The following TMEM170B variants were observed in gnomAD, a reference collection of about 807,000 sequenced individuals.
TMEM170B encodes transmembrane protein 170B.
Under a neutral mutation model 13.0 loss-of-function variants are expected in TMEM170B, and 6 were observed. The ratio of observed to expected loss-of-function variants is 0.46; its 90% CI spans 0.25 to 0.91. The LOEUF (loss-of-function observed/expected upper bound fraction) is 0.91. TMEM170B is among the 40% of genes least tolerant of loss of function. The probability of loss-of-function intolerance (pLI) is 0.17; values close to 1 mark genes in which losing one functional copy is unlikely to be tolerated. For synonymous variants in TMEM170B, 61 were observed against 64.9 expected (o/e 0.94, Z 0.29); for missense variants, 138 against 165.2 (o/e 0.84, Z 0.90).
At chr6:11,542,393 G>A (rs748474593) in intron 1 of TMEM170B, among the ~76,000 whole-genome samples, 2 of 152,108 alleles carry the variant, frequency 1.3e-5, no homozygotes, top group African/African-American at 2.4e-5. Context: ...TTCATCCAGG[G>A]TTAGCTCCAA....
intron 1 of TMEM170B, among the ~76,000 whole-genome samples, chr6:11,538,977 T>G (rs1175499937): frequency 6.6e-5 from 10 of 152,190 alleles, no homozygotes; most frequent in Admixed American, 6.5e-4. Flanking sequence ...TTTCCTTTTG[T>G]CTGTCTGTCT....
At chr6:11,562,850 G>C (rs1176585776) in intron 1 of TMEM170B, among the ~76,000 whole-genome samples, 1 of 152,128 alleles carries the variant, frequency 6.6e-6, no homozygotes, top group Non-Finnish European at 1.5e-5. Flanking sequence ...AGTCAAAGAA[G>C]AAATCCATTA....
At chr6:11,556,243 A>G (rs944634995) in intron 1 of TMEM170B, among the ~76,000 whole-genome samples, 1 of 152,128 alleles carries the variant, frequency 6.6e-6, no homozygotes, top group Non-Finnish European at 1.5e-5. Context: ...ACCAATAGTG[A>G]GAATTGATTT....
At chr6:11,538,870 G>T (rs1313568720) in intron 1 of TMEM170B, among the ~76,000 whole-genome samples, 1 of 152,198 alleles carries the variant, frequency 6.6e-6, no homozygotes, top group East Asian at 1.9e-4. Context: ...TTTTTTGGGC[G>T]ATGTAGATAA....
intron 1 of TMEM170B, among the ~76,000 whole-genome samples, chr6:11,552,248 T>C (rs1331471921): frequency 1.1e-4 from 16 of 152,232 alleles, no homozygotes; most frequent in Admixed American, 9.8e-4. Context: ...GATTTGGACT[T>C]ATTAAAATTT....
At chr6:11,557,402 G>A (rs1391036260) in intron 1 of TMEM170B, among the ~76,000 whole-genome samples, 2 of 152,082 alleles carry the variant, frequency 1.3e-5, no homozygotes, top group Non-Finnish European at 2.9e-5. Context: ...AATGCATGCT[G>A]GGCTTAATAC....
intron 1 of TMEM170B, among the ~76,000 whole-genome samples, chr6:11,564,309 A>G (rs538137030): frequency 2.0e-5 from 3 of 152,364 alleles, no homozygotes; most frequent in South Asian, 2.1e-4. Flanking sequence ...AGGAGCCTCC[A>G]TACTATTTTC....
chr6:11,572,311 A>G (rs1312190034), intron 2 of TMEM170B, among the ~76,000 whole-genome samples: 1 of 152,232 alleles, frequency 6.6e-6, no homozygotes, highest in Non-Finnish European at 1.5e-5. Flanking sequence ...TGGTATATTC[A>G]TACTTGGAAT....
At chr6:11,560,917 A>T (rs1163524161) in intron 1 of TMEM170B, among the ~76,000 whole-genome samples, 1 of 152,252 alleles carries the variant, frequency 6.6e-6, no homozygotes, top group African/African-American at 2.4e-5. Flanking sequence ...AGCACAGAAG[A>T]TAATTTTTTA....
chr6:11,546,412 G>A (rs1759441736), intron 1 of TMEM170B, among the ~76,000 whole-genome samples: 1 of 152,120 alleles, frequency 6.6e-6, no homozygotes, highest in African/African-American at 2.4e-5. Context: ...GTAAGCTAAG[G>A]TTAATTATTG....
At chr6:11,562,341 T>A (rs925283293) in intron 1 of TMEM170B, among the ~76,000 whole-genome samples, 23 of 151,398 alleles carry the variant, frequency 1.5e-4, no homozygotes, top group African/African-American at 4.9e-4. Context: ...TTTCCCTGAA[T>A]GCTGGAAGAG....
intron 1 of TMEM170B, 71 bp downstream of exon 1, chr6:11,538,445 G>A: frequency 5.1e-6 from 6 of 1,178,218 alleles, no homozygotes; most frequent in Non-Finnish European, 6.9e-6. Context: ...TCCTCGGGAG[G>A]GGACACGCTC....
intron 1 of TMEM170B, among the ~76,000 whole-genome samples, chr6:11,541,475 A>G (rs959989267): frequency 1.3e-5 from 2 of 152,222 alleles, no homozygotes; most frequent in African/African-American, 2.4e-5. Flanking sequence ...CCCAGCCTGC[A>G]TGGAATTGAA....
At chr6:11,564,037 A>G (rs887723136) in intron 1 of TMEM170B, among the ~76,000 whole-genome samples, 5 of 152,222 alleles carry the variant, frequency 3.3e-5, no homozygotes, top group African/African-American at 1.2e-4. Flanking sequence ...TAATGTCCAC[A>G]AGGTTCATTC....
At chr6:11,551,604 C>A (rs192999567) in intron 1 of TMEM170B, among the ~76,000 whole-genome samples, 1 of 152,044 alleles carries the variant, frequency 6.6e-6, no homozygotes, top group African/African-American at 2.4e-5. Context: ...CCTGATATTT[C>A]TTGATTATAA....
At chr6:11,556,379 AG>A (rs543958673) in intron 1 of TMEM170B, among the ~76,000 whole-genome samples, 1,592 of 152,124 alleles carry the variant, frequency 0.01, 10 homozygotes, top group Middle Eastern at 0.02. Flanking sequence ...TCTGTACTGC[AG>A]GGTTATTCTC....
At chr6:11,553,393 G>A (rs1759549351) in intron 1 of TMEM170B, among the ~76,000 whole-genome samples, 1 of 152,160 alleles carries the variant, frequency 6.6e-6, no homozygotes, top group Admixed American at 6.5e-5. Context: ...ATGTAAATAT[G>A]TTAGGTGAGC....
rs180885515 is a variant in TMEM170B at position 11,548,181 on chromosome 6, C to A, written c.97+9807C>A. Among the ~76,000 whole-genome samples, 3 of 152,076 alleles carry A rather than the reference C, an allele frequency of 2.0e-5. No individual in the cohort carries two copies. The East Asian group carries it at 5.8e-4, about 29-fold the overall frequency. ...ATGGGAGAGAATTTTTGCAATCTAC[C>A]CATCTGACAAAGGGCTAATATCTAG... is the stretch of plus-strand genomic sequence containing the variant. On this transcript the variant is annotated intron_variant, in intron 1 of 2. Transcript: ENST00000379426.
intron 1 of TMEM170B, among the ~76,000 whole-genome samples, chr6:11,558,232 A>G (rs1759615480): frequency 6.6e-6 from 1 of 152,112 alleles, no homozygotes; most frequent in South Asian, 2.1e-4. Context: ...AATTTTCACA[A>G]AAATTCTTCA....
Sources: allele counts gnomAD v4.1 joint callset (sites outside exome capture counted in the v4.1 genomes callset), GRCh38; gene constraint gnomAD v4.1.1; transcripts MANE v1.5; gene names NCBI Gene and HGNC (gene_info 2026-07-23, HGNC 2026-07-21).